MEX3A: variants seen among roughly 807,000 people sequenced by gnomAD.
MEX3A encodes the protein mex-3 RNA binding family member A.
In MEX3A, 4 loss-of-function variants were observed where a neutral mutation model predicts 30.0. The observed-to-expected ratio is 0.13, with a 90% CI of 0.07 to 0.30. The LOEUF (loss-of-function observed/expected upper bound fraction) is 0.30. MEX3A is among the 10% of genes least tolerant of loss of function. The probability of loss-of-function intolerance (pLI) is 1.00; values close to 1 mark genes in which losing one functional copy is unlikely to be tolerated. For synonymous variants in MEX3A, 335 were observed against 327.6 expected (o/e 1.02, Z -0.24); for missense variants, 555 against 736.7 (o/e 0.75, Z 2.86).
chr1:156,076,806 G>C lies in MEX3A; in HGVS notation c.1331C>G (p.Pro444Arg), dbSNP rs1378571833. 1 of 1,557,820 alleles carries C rather than the reference G, an allele frequency of 6.4e-7. No homozygotes were observed. Among genetic ancestry groups the C allele is most frequent in the Admixed American group, 1.9e-5 (1 of 51,418 alleles). Residue 444 changes from proline (P) to arginine (R), a missense_variant, in exon 2 of 2, where the codon CCC becomes CGC. By Grantham distance (103) the Pro-to-Arg change is moderately radical (BLOSUM62 -2). Coordinates refer to ENST00000532414, the MANE Select transcript of MEX3A (RefSeq NM_001093725.2). This position sits in a 1 kb window ranked among gnomAD's most constrained non-coding sequence, Gnocchi z 6.0. ...GAAGCCCTGGAGCGGCTCTCCCGGG[G>C]GGCGCCTCGGGAGTCCGGCCAGCTC... ...GPELAGLPRR[P>R]PGEPLQGFSK...
Position 156,081,995 on chromosome 1 carries a change from G to T in MEX3A, c.4C>A (p.Pro2Thr). 1 of 1,513,632 alleles carries T rather than the reference G, an allele frequency of 6.6e-7. No individual in the cohort carries two copies. Among genetic ancestry groups the T allele is most frequent in the Non-Finnish European group, 8.9e-7 (1 of 1,127,782 alleles). 93.8% of individuals were successfully genotyped at this position (1,513,632 alleles called of 1,614,324 possible). A position where few individuals can be genotyped will look rare whatever the true frequency, so the allele number is the denominator to read the frequency against. Residue 2 changes from proline to threonine, a missense_variant, in exon 1 of 2, where the codon CCT (proline) becomes ACT (threonine). Transcript: ENST00000532414. ...ATTATTCCAGATACCACTAGACTAG[G>T]CATGGCGAAACAAAAGCTGGGGGAG... M[P>T]SLVVSGIMER...
Position 156,081,540 on chromosome 1 carries a change from C to T in MEX3A, c.454+5G>A. On this transcript the variant is annotated splice_donor_5th_base_variant and intron_variant, in intron 1 of 1. Transcript: ENST00000532414. ...CCCTCTCAGTGGTCCCGGCGCCCCG[C>T]TTACCTTGCCTGCCCACGATCTCGG... 6.2e-7 allele frequency: 1 copy of T among 1,604,120 alleles called. No homozygotes were observed. Among genetic ancestry groups the T allele is most frequent in the Non-Finnish European group, 8.5e-7 (1 of 1,176,986 alleles).
chr1:156,074,051 AT>A lies in MEX3A; in HGVS notation c.*2522del, dbSNP rs1407543065. 2.0e-5 allele frequency: 3 copies of A among 152,462 alleles called. No homozygotes were observed. Among genetic ancestry groups the A allele is most frequent in the African/African-American group, 7.2e-5 (3 of 41,406 alleles). 9.4% of individuals were successfully genotyped at this position (152,462 alleles called of 1,614,324 possible). A position where few individuals can be genotyped will look rare whatever the true frequency, so the allele number is the denominator to read the frequency against. ...GGTTCCCCCAGCTCCTCTCTCCACCATTCACCCCCGGGATGCTCCCCCAAGA... is the reference window on the plus strand; with the variant it reads ...GGTTCCCCCAGCTCCTCTCTCCACCATCACCCCCGGGATGCTCCCCCAAGA... On this transcript the variant is annotated 3_prime_UTR_variant, in exon 2 of 2. Transcript: ENST00000532414.
Position 156,077,745 on chromosome 1 carries a change from C to G in MEX3A, c.455-63G>C. On this transcript the variant is annotated intron_variant, in intron 1 of 1. Coordinates refer to ENST00000532414, the MANE Select transcript of MEX3A (RefSeq NM_001093725.2). The surrounding 1 kb of genome is among the most constrained non-coding windows in gnomAD (Gnocchi z 8.3). Reference sequence around the variant, plus strand: ...CACACAGCAAGGTTTGTGCTGGGACCAATAAATTCCTGATCCTTACCCAAA... The same window carrying G: ...CACACAGCAAGGTTTGTGCTGGGACGAATAAATTCCTGATCCTTACCCAAA... The G allele has an allele frequency of 6.7e-7, 1 of 1,495,358 alleles. No individual in the cohort carries two copies. The allele number at this position is 1,495,358 out of a possible 1,614,324, so 92.6% of individuals were successfully genotyped here.
chr1:156,076,738 GCCCGCCGCC>G lies in MEX3A; in HGVS notation c.1390_1398del (p.Gly464_Gly466del). 6.2e-7 allele frequency: 1 copy of G among 1,608,376 alleles called. No homozygotes were observed. Among genetic ancestry groups the G allele is most frequent in the Non-Finnish European group, 8.5e-7 (1 of 1,177,514 alleles). On this transcript the variant is annotated inframe_deletion, in exon 2 of 2. Transcript: ENST00000532414. The surrounding 1 kb of genome is among the most constrained non-coding windows in gnomAD (Gnocchi z 6.0). ...CTCTCAAAGCAGACCATGCAATCCC[GCCCGCCGCC>G]GGGGCTCCGCAGGCCGCCCCCACCA... is the stretch of plus-strand genomic sequence containing the variant.
Position 156,076,942 on chromosome 1 carries a change from T to C in MEX3A, c.1195A>G (p.Thr399Ala). The C allele has an allele frequency of 6.2e-7, 1 of 1,605,538 alleles. No homozygotes were observed. Among genetic ancestry groups the C allele is most frequent in the Non-Finnish European group, 8.5e-7 (1 of 1,176,084 alleles). ...GAGGAGAAGAGCACGGAGGTGGGCGTGGCGTTCTCCTGGCCCGCCCACAGC... is the reference window on the plus strand; with the variant it reads ...GAGGAGAAGAGCACGGAGGTGGGCGCGGCGTTCTCCTGGCCCGCCCACAGC... The part of the protein sequence containing the change: ...PPLWAGQENA[T>A]PTSVLFSSAS... Residue 399 changes from threonine (T) to alanine (A), a missense_variant, in exon 2 of 2, where the codon ACG (threonine) becomes GCG (alanine). By Grantham distance (58) the Thr-to-Ala change is moderately conservative. Coordinates refer to ENST00000532414, the MANE Select transcript of MEX3A (RefSeq NM_001093725.2). This position sits in a 1 kb window ranked among gnomAD's most constrained non-coding sequence, Gnocchi z 6.0.
In MEX3A at chr1:156,076,343, T is replaced by C; in HGVS notation, c.*231A>G. The C allele has an allele frequency of 2.1e-6, 1 of 474,620 alleles. No homozygotes were observed. The highest frequency in any genetic ancestry group is 3.7e-6 in the Non-Finnish European group (1 of 270,294). 29.4% of individuals were successfully genotyped at this position (474,620 alleles called of 1,614,324 possible). On this transcript the variant is annotated 3_prime_UTR_variant, in exon 2 of 2. Transcript: ENST00000532414. The surrounding 1 kb of genome is among the most constrained non-coding windows in gnomAD (Gnocchi z 6.0). ...TGTGTTGAGGTATCAGAGTTGTAAC[T>C]CTAGTAAAATTTTCAGTCTGGCCCC...
rs1648013670 is a variant in MEX3A, at chr1:156,074,886, T to C, written c.*1688A>G. ...AGGAAGGAGAGGAGGAAATCCCCTC[T>C]GCACCTCCACCTGCTCCATCCAGGA... On this transcript the variant is annotated 3_prime_UTR_variant, in exon 2 of 2. Transcript: ENST00000532414. 6.5e-6 allele frequency: 1 copy of C among 152,770 alleles called. No individual in the cohort carries two copies. Among genetic ancestry groups the C allele is most frequent in the Non-Finnish European group, 1.5e-5 (1 of 68,042 alleles). The allele number at this position is 152,770 out of a possible 1,614,324, so 9.5% of individuals were successfully genotyped here.
chr1:156,081,986 C>A lies in MEX3A; in HGVS notation c.13G>T (p.Val5Leu), dbSNP rs911985906. Reference sequence around the variant, plus strand: ...TTTCTTTCCATTATTCCAGATACCACTAGACTAGGCATGGCGAAACAAAAG... The same window carrying A: ...TTTCTTTCCATTATTCCAGATACCAATAGACTAGGCATGGCGAAACAAAAG... Reference protein sequence around the residue: MPSLVVSGIMERNGG... With the variant: MPSLLVSGIMERNGG... Residue 5 changes from valine to leucine, a missense_variant, in exon 1 of 2, where the codon GTG becomes TTG. Physicochemically the swap from Val to Leu is conservative, Grantham distance 32. Around this residue, in one of 6 missense-constraint regions of MEX3A, gnomAD observed 159 missense variants for 159.9 expected, o/e 0.99. Coordinates refer to ENST00000532414, the MANE Select transcript of MEX3A (RefSeq NM_001093725.2). The A allele has an allele frequency of 3.2e-5, 49 of 1,526,408 alleles. 1 individual carries two copies. In the Admixed American group the frequency reaches 9.3e-4, roughly 29 times the overall value. The allele number at this position is 1,526,408 out of a possible 1,614,324, so 94.6% of individuals were successfully genotyped here. A position where few individuals can be genotyped will look rare whatever the true frequency, so the allele number is the denominator to read the frequency against.
chr1:156,082,023 AG>A lies in MEX3A; in HGVS notation c.-26del. On this transcript the variant is annotated 5_prime_UTR_variant, in exon 1 of 2. Coordinates refer to ENST00000532414, the MANE Select transcript of MEX3A (RefSeq NM_001093725.2). Reference sequence around the variant, plus strand: ...TGGCGAAACAAAAGCTGGGGGAGAGAGAGAGGGAGAGAGAGAGAGAGAGGTG... The same window carrying A: ...TGGCGAAACAAAAGCTGGGGGAGAGAAGAGGGAGAGAGAGAGAGAGAGGTG... 1 of 1,220,064 alleles carries A rather than the reference AG, an allele frequency of 8.2e-7. No homozygotes were observed. Among genetic ancestry groups the A allele is most frequent in the East Asian group, 7.5e-5 (1 of 13,402 alleles). The allele number at this position is 1,220,064 out of a possible 1,614,324, so 75.6% of individuals were successfully genotyped here.
In MEX3A at chr1:156,081,660, G is replaced by A. The variant is rs1387829357; in HGVS notation, c.339C>T (p.Ala113=). The part of the protein sequence containing the change: ...PPTAPKGASD[A]KLCALYKEAE... ...CCTCTTTGTAGAGAGCGCAGAGCTT[G>A]GCGTCGCTCGCCCCTTTGGGGGCGG... is the stretch of plus-strand genomic sequence containing the variant. The change falls in exon 1 of 2, where the codon GCC becomes GCT. Residue 113 remains alanine, a synonymous_variant. Transcript: ENST00000532414. 4 of 1,518,100 alleles carry A rather than the reference G, an allele frequency of 2.6e-6. No homozygotes were observed. In the Admixed American group the frequency reaches 8.1e-5, roughly 31 times the overall value. 94.0% of individuals were successfully genotyped at this position (1,518,100 alleles called of 1,614,324 possible).
At chr1:156,078,334 G>C (rs1361376395) in intron 1 of MEX3A, among the ~76,000 whole-genome samples, 1 of 152,098 alleles carries the variant, frequency 6.6e-6, no homozygotes, top group African/African-American at 2.4e-5. Flanking sequence ...AGAGTGTAGG[G>C]GACTGGGAAA....
Position 156,077,351 on chromosome 1 carries a change from A to C in MEX3A, c.786T>G (p.Arg262=). The change falls in exon 2 of 2, where the codon CGT becomes CGG. Residue 262 remains arginine (R), a synonymous_variant. Transcript: ENST00000532414. The surrounding 1 kb of genome is among the most constrained non-coding windows in gnomAD (Gnocchi z 8.3). ...TGATCTCGAACACGGGGTCGCGGTC[A>C]CGGCTTGGTGTGATAATGTATGTGT... ...QTNTYIITPS[R]DRDPVFEITG... The C allele has an allele frequency of 6.2e-7, 1 of 1,613,702 alleles. No individual in the cohort carries two copies. The highest frequency in any genetic ancestry group is 8.5e-7 in the Non-Finnish European group (1 of 1,179,800).
intron 1 of MEX3A, among the ~76,000 whole-genome samples, chr1:156,078,123 A>C (rs1648123047): frequency 6.6e-6 from 1 of 152,130 alleles, no homozygotes. Flanking sequence ...CACATCTGTC[A>C]CTGACCCTGA....
intron 1 of MEX3A, among the ~76,000 whole-genome samples, chr1:156,079,103 G>C (rs918062312): frequency 1.3e-5 from 2 of 152,102 alleles, no homozygotes; most frequent in Non-Finnish European, 2.9e-5. Context: ...CCTGAGACCT[G>C]AGGTGAGCTC....
rs1330518245 is a variant in MEX3A, at chr1:156,077,938, C to A, written c.455-256G>T. On this transcript the variant is annotated intron_variant, in intron 1 of 1. Coordinates refer to ENST00000532414, the MANE Select transcript of MEX3A (RefSeq NM_001093725.2). The surrounding 1 kb of genome is among the most constrained non-coding windows in gnomAD (Gnocchi z 8.3). The stretch of plus-strand genomic sequence containing the variant: ...AACTTTCCCTGAGTTCCATTCAGGG[C>A]CCTCCAAATTCATTCACTCCTCAAA... Among the ~76,000 whole-genome samples, 3 of 152,060 alleles carry A rather than the reference C, an allele frequency of 2.0e-5. No homozygotes were observed. The highest frequency in any genetic ancestry group is 3.9e-4 in the East Asian group (2 of 5,190).
At position 156,082,370 on chromosome 1, in the gene MEX3A, G is replaced by T. The variant is rs1648284191; in HGVS notation, c.-372C>A. On this transcript the variant is annotated 5_prime_UTR_variant, in exon 1 of 2. Transcript: ENST00000532414. The stretch of plus-strand genomic sequence containing the variant: ...GGAGTCTCTAGCCCCCGCTGTCCAG[G>T]CGCCCCCGTTAGGCTCCCGCACCGA... 6.6e-6 allele frequency among the ~76,000 whole-genome samples: 1 copy of T among 152,076 alleles called. No individual in the cohort carries two copies. The highest frequency in any genetic ancestry group is 1.5e-5 in the Non-Finnish European group (1 of 67,970).
chr1:156,076,589 G>C lies in MEX3A; in HGVS notation c.1548C>G (p.Ile516Met). Residue 516 changes from isoleucine to methionine, a missense_variant, in exon 2 of 2, where the codon ATC becomes ATG. Around this residue, in one of 6 missense-constraint regions of MEX3A, gnomAD observed 15 missense variants for 59.4 expected, o/e 0.25. Coordinates refer to ENST00000532414, the MANE Select transcript of MEX3A (RefSeq NM_001093725.2). The surrounding 1 kb of genome is among the most constrained non-coding windows in gnomAD (Gnocchi z 6.0). ...GGCACGGGGCTTAGGAGAATATTCG[G>C]ATGGCTTGCGTGGCTGTGATGTGGC... The part of the protein sequence containing the change: ...PVCHITATQA[I>M]RIFS 6.2e-7 allele frequency: 1 copy of C among 1,612,086 alleles called. No individual in the cohort carries two copies. Among genetic ancestry groups the C allele is most frequent in the East Asian group, 2.2e-5 (1 of 44,842 alleles).
intron 1 of MEX3A, among the ~76,000 whole-genome samples, chr1:156,081,077 A>T (rs1037668739): frequency 1.3e-5 from 2 of 152,046 alleles, no homozygotes; most frequent in Non-Finnish European, 2.9e-5. Context: ...ACAAAGAGAC[A>T]GATACTCAGT....
Sources: gnomAD v4.1 joint callset for allele counts (sites outside exome capture counted in the v4.1 genomes callset) on GRCh38, gnomAD v4.1.1 for gene constraint, gnomAD v4.1.1 regional missense constraint, Gnocchi (gnomAD v3.1) non-coding constraint, MANE v1.5 for transcripts, NCBI Gene and HGNC (gene_info 2026-07-23, HGNC 2026-07-21) for gene names.